The following PCDH7 variants were observed in gnomAD, a reference collection of about 807,000 sequenced individuals.
PCDH7 encodes protocadherin 7.
A neutral mutation model predicts 58.9 loss-of-function variants in PCDH7; 17 were observed. That is an observed-to-expected ratio of 0.29 (90% confidence interval 0.20 to 0.43). The LOEUF (loss-of-function observed/expected upper bound fraction) is 0.43. Among genes scored for constraint, PCDH7 ranks in the 20% least tolerant of loss-of-function variants. The pLI is 1.00. For missense variants in PCDH7, 1,274 were observed against 1,441.0 expected, an observed-to-expected ratio of 0.88 and a Z score of 1.88; for synonymous variants, 664 against 616.4, an observed-to-expected ratio of 1.08 and a Z score of -1.14.
chr4:31,006,479 A>G, intron 3 of PCDH7, among the ~76,000 whole-genome samples: 1 of 152,206 alleles, frequency 6.6e-6, no homozygotes, highest in Admixed American at 6.5e-5. Context: ...AAAGGGAGAC[A>G]TATATTTAGG....
chr4:30,855,092 G>C (rs1733288286), intron 1 of PCDH7, among the ~76,000 whole-genome samples: 1 of 152,138 alleles, frequency 6.6e-6, no homozygotes, highest in Non-Finnish European at 1.5e-5. Flanking sequence ...AATTTTCAGT[G>C]TTCACAAAAT....
At chr4:30,786,272 A>G (rs1241343818) in intron 1 of PCDH7, among the ~76,000 whole-genome samples, 1 of 152,038 alleles carries the variant, frequency 6.6e-6, no homozygotes, top group Non-Finnish European at 1.5e-5. Context: ...GGGTGTGAAC[A>G]TTCAGATCAA....
At chr4:30,859,444 T>C (rs947501866) in intron 1 of PCDH7, among the ~76,000 whole-genome samples, 2 of 151,826 alleles carry the variant, frequency 1.3e-5, no homozygotes, top group African/African-American at 4.9e-5. Context: ...TCTTTTTTTT[T>C]TTTCTTTTTT....
At chr4:30,882,209 TC>T (rs1212665366) in intron 1 of PCDH7, among the ~76,000 whole-genome samples, 9 of 149,442 alleles carry the variant, frequency 6.0e-5, no homozygotes, top group African/African-American at 2.2e-4. Flanking sequence ...CTCCTCCTCT[TC>T]CTTTTAACTC....
intron 1 of PCDH7, among the ~76,000 whole-genome samples, chr4:30,837,775 C>G (rs992315215): frequency 6.6e-6 from 1 of 151,226 alleles, no homozygotes; most frequent in African/African-American, 2.4e-5. Context: ...AACTCTCGCT[C>G]TATTATTAAT....
chr4:30,795,478 CACTT>C (rs1724663465), intron 1 of PCDH7, among the ~76,000 whole-genome samples: 2 of 152,232 alleles, frequency 1.3e-5, no homozygotes, highest in South Asian at 4.1e-4. Context: ...CAAAGCTACT[CACTT>C]ACTGGTTGAG....
At chr4:31,035,435 G>A (rs963873848) in intron 3 of PCDH7, among the ~76,000 whole-genome samples, 2 of 151,946 alleles carry the variant, frequency 1.3e-5, no homozygotes, top group Admixed American at 6.6e-5. Flanking sequence ...TGTATTTTTA[G>A]TAGAGACGAG....
At chr4:30,847,780 C>T (rs1477092096) in intron 1 of PCDH7, among the ~76,000 whole-genome samples, 1 of 152,050 alleles carries the variant, frequency 6.6e-6, no homozygotes, top group Non-Finnish European at 1.5e-5. Context: ...TATTTTACCA[C>T]AGCTTTTCAA....
At chr4:30,976,363 T>A (rs1331422656) in intron 3 of PCDH7, among the ~76,000 whole-genome samples, 2 of 151,022 alleles carry the variant, frequency 1.3e-5, no homozygotes, top group Non-Finnish European at 2.9e-5. Context: ...AGTGTGGGAA[T>A]TACAGGCATG....
At chr4:30,851,608 G>A (rs1028586562) in intron 1 of PCDH7, among the ~76,000 whole-genome samples, 1 of 151,994 alleles carries the variant, frequency 6.6e-6, no homozygotes, top group African/African-American at 2.4e-5. Context: ...ATTTGTAACT[G>A]TATGACCAAA....
intron 3 of PCDH7, among the ~76,000 whole-genome samples, chr4:31,082,461 A>G (rs556988419): frequency 3.0e-4 from 46 of 152,326 alleles, no homozygotes; most frequent in South Asian, 2.7e-3. Flanking sequence ...AATATAATTC[A>G]GATACTTATC....
chr4:30,826,700 G>A (rs1449330419), intron 1 of PCDH7, among the ~76,000 whole-genome samples: 1 of 152,008 alleles, frequency 6.6e-6, no homozygotes, highest in Non-Finnish European at 1.5e-5. Context: ...CCTGTAATCT[G>A]ACTATTGATT....
intron 1 of PCDH7, among the ~76,000 whole-genome samples, chr4:30,771,539 T>C: frequency 6.6e-6 from 1 of 152,178 alleles, no homozygotes; most frequent in East Asian, 1.9e-4. Flanking sequence ...CTAAAATCTA[T>C]TCTCCTCCTG....
intron 1 of PCDH7, among the ~76,000 whole-genome samples, chr4:30,873,947 C>A (rs1018548546): frequency 6.6e-6 from 1 of 152,026 alleles, no homozygotes; most frequent in Admixed American, 6.6e-5. Flanking sequence ...AAGCTCTTTA[C>A]AATGTAATGG....
chr4:30,823,342 A>C (rs1447374), intron 1 of PCDH7, among the ~76,000 whole-genome samples: 133,638 of 152,070 alleles, frequency 0.88, 59,108 homozygotes, highest in African/African-American at 0.96. Context: ...TTAGCTGTGG[A>C]AAATCTGCTG....
intron 1 of PCDH7, among the ~76,000 whole-genome samples, chr4:30,842,256 T>G (rs1731309711): frequency 6.6e-6 from 1 of 152,120 alleles, no homozygotes; most frequent in Non-Finnish European, 1.5e-5. Context: ...CACCCAGAAA[T>G]AACTTATTAA....
At chr4:30,957,745 G>T (rs1748006615) in intron 3 of PCDH7, among the ~76,000 whole-genome samples, 2 of 152,066 alleles carry the variant, frequency 1.3e-5, no homozygotes, top group Non-Finnish European at 2.9e-5. Context: ...GCTTTACATT[G>T]TAAGAGTCTT....
chr4:30,941,588 A>T (rs1490531234), intron 2 of PCDH7, among the ~76,000 whole-genome samples: 1 of 151,960 alleles, frequency 6.6e-6, no homozygotes, highest in African/African-American at 2.4e-5. Context: ...GAAATTTCAA[A>T]GAAGAACCTA....
intron 3 of PCDH7, among the ~76,000 whole-genome samples, chr4:31,045,006 A>C (rs1756168209): frequency 6.6e-6 from 1 of 151,948 alleles, no homozygotes; most frequent in South Asian, 2.1e-4. Flanking sequence ...CATTTTATTT[A>C]TATTTCTTTT....
Sources: gnomAD v4.1 joint callset for allele counts (sites outside exome capture counted in the v4.1 genomes callset) on GRCh38, gnomAD v4.1.1 for gene constraint, MANE v1.5 for transcripts, NCBI Gene and HGNC (gene_info 2026-07-23, HGNC 2026-07-21) for gene names.